The following GABRG3 variants were observed in gnomAD, a reference collection of about 807,000 sequenced individuals.
The protein encoded by GABRG3 is gamma-aminobutyric acid receptor subunit gamma-3.
GABRG3 carries 25 observed loss-of-function variants against 48.8 expected under a neutral mutation model. The observed-to-expected ratio is 0.51, with a 90% CI of 0.37 to 0.72. The LOEUF is 0.72. Ranked by LOEUF, GABRG3 falls within the 30% of genes least tolerant of loss-of-function variation. The probability of loss-of-function intolerance (pLI) is 0.00; values close to 1 mark genes in which losing one functional copy is unlikely to be tolerated. For synonymous variants in GABRG3, 227 were observed against 217.6 expected, an observed-to-expected ratio of 1.04 and a Z score of -0.38; for missense variants, 394 against 577.9, an observed-to-expected ratio of 0.68 and a Z score of 3.26.
At chr15:27,198,377 C>CA (rs1176598480) in intron 3 of GABRG3, among the ~76,000 whole-genome samples, 1 of 151,878 alleles carries the variant, frequency 6.6e-6, no homozygotes, top group Non-Finnish European at 1.5e-5. Flanking sequence ...TTTGTGTGGC[C>CA]AAAAAACATA....
chr15:27,271,005 C>T (rs1223504328), intron 3 of GABRG3, among the ~76,000 whole-genome samples: 5 of 152,114 alleles, frequency 3.3e-5, no homozygotes, highest in African/African-American at 9.7e-5. Flanking sequence ...GGAAATTCAA[C>T]GGATGAATTC....
intron 3 of GABRG3, among the ~76,000 whole-genome samples, chr15:27,151,673 T>A (rs1017684807): frequency 2.0e-5 from 3 of 152,042 alleles, no homozygotes; most frequent in African/African-American, 7.2e-5. Flanking sequence ...AAAATAAATG[T>A]GAAAAGGAAA....
At chr15:27,069,521 A>G (rs909910041) in intron 3 of GABRG3, among the ~76,000 whole-genome samples, 3 of 152,358 alleles carry the variant, frequency 2.0e-5, no homozygotes, top group South Asian at 2.1e-4. Context: ...CTGTGCATAC[A>G]CATCCATCTC....
chr15:27,363,000 A>G (rs1304835701), intron 5 of GABRG3: 6 of 152,250 alleles, frequency 3.9e-5, no homozygotes, highest in Admixed American at 3.9e-4. Flanking sequence ...TATAAATTAT[A>G]GAAATGTTTG....
At chr15:27,458,848 G>A (rs189026272) in intron 5 of GABRG3, among the ~76,000 whole-genome samples, 8 of 152,302 alleles carry the variant, frequency 5.3e-5, no homozygotes, top group South Asian at 2.1e-4. Context: ...AGATGAGCTC[G>A]GGCTCCTGTG....
At chr15:27,156,298 CAAAAAAAAAAAA>C (rs34055206) in intron 3 of GABRG3, among the ~76,000 whole-genome samples, 1 of 78,124 alleles carries the variant, frequency 1.3e-5, no homozygotes, top group Non-Finnish European at 2.4e-5. Flanking sequence ...CACTCTGTCT[CAAAAAAAAAAAA>C]AAAAAAAAAA....
At position 26,977,137 on chromosome 15, in the gene GABRG3, G is replaced by A; in HGVS notation, c.189G>A (p.Arg63=). The change falls in exon 2 of 10, where the codon AGG becomes AGA. Residue 63 remains arginine (R), a synonymous_variant. Transcript: ENST00000615808. The stretch of plus-strand genomic sequence containing the variant: ...TAAGAGAATATGATAAAAAGCTGAG[G>A]CCAGATATTGGAAGTGAGTGTTGTT... ...KLLREYDKKL[R]PDIGIKPTVI... 6.2e-7 allele frequency: 1 copy of A among 1,612,510 alleles called. No homozygotes were observed. The highest frequency in any genetic ancestry group is 8.5e-7 in the Non-Finnish European group (1 of 1,179,130).
chr15:27,420,120 T>C (rs962048245), intron 5 of GABRG3, among the ~76,000 whole-genome samples: 2 of 152,192 alleles, frequency 1.3e-5, no homozygotes, highest in Admixed American at 1.3e-4. Context: ...CTGTAGAGGG[T>C]AGACCCTGCC....
intron 3 of GABRG3, among the ~76,000 whole-genome samples, chr15:27,298,483 G>A (rs1397029004): frequency 6.6e-6 from 1 of 152,008 alleles, no homozygotes; most frequent in East Asian, 1.9e-4. Context: ...AGCAGGTAGG[G>A]GAATAGTCAA....
chr15:27,292,551 A>G (rs1891830922), intron 3 of GABRG3, among the ~76,000 whole-genome samples: 2 of 152,232 alleles, frequency 1.3e-5, no homozygotes, highest in African/African-American at 4.8e-5. Flanking sequence ...TTATGTACAT[A>G]TATGTAATCA....
intron 3 of GABRG3, among the ~76,000 whole-genome samples, chr15:27,084,130 T>A (rs1028007158): frequency 6.6e-6 from 1 of 152,178 alleles, no homozygotes; most frequent in Non-Finnish European, 1.5e-5. Context: ...ACCACTTTGC[T>A]CACGCTCCAT....
chr15:27,019,661 T>C (rs1371150631), intron 2 of GABRG3, among the ~76,000 whole-genome samples: 1 of 152,160 alleles, frequency 6.6e-6, no homozygotes, highest in Non-Finnish European at 1.5e-5. Flanking sequence ...GGGGATCCTC[T>C]GCCTAATACA....
chr15:27,492,784 A>C (rs1890386492), intron 6 of GABRG3, among the ~76,000 whole-genome samples: 1 of 152,248 alleles, frequency 6.6e-6, no homozygotes, highest in Non-Finnish European at 1.5e-5. Context: ...GGCTGGCCTT[A>C]GGCCCTGCAT....
At chr15:27,413,286 A>T (rs1887851443) in intron 5 of GABRG3, among the ~76,000 whole-genome samples, 2 of 152,192 alleles carry the variant, frequency 1.3e-5, no homozygotes, top group Admixed American at 6.5e-5. Context: ...TTATTTTAAG[A>T]CTACACATCT....
intron 3 of GABRG3, among the ~76,000 whole-genome samples, chr15:27,216,075 A>T (rs1485021470): frequency 6.6e-6 from 1 of 152,148 alleles, no homozygotes; most frequent in Non-Finnish European, 1.5e-5. Flanking sequence ...TCTCTGCCTC[A>T]CTGATGTTCT....
At chr15:27,311,946 G>T (rs775661107) in intron 3 of GABRG3, among the ~76,000 whole-genome samples, 2 of 151,946 alleles carry the variant, frequency 1.3e-5, no homozygotes, top group Admixed American at 1.3e-4. Flanking sequence ...TGAAGAAACG[G>T]TAATATTTCC....
intron 6 of GABRG3, among the ~76,000 whole-genome samples, chr15:27,499,175 G>C (rs541364046): frequency 6.6e-6 from 1 of 152,260 alleles, no homozygotes; most frequent in Non-Finnish European, 1.5e-5. Context: ...AGAATGTTCA[G>C]GATTTAATTT....
chr15:27,388,539 T>C (rs1441681926), intron 5 of GABRG3, among the ~76,000 whole-genome samples: 3 of 152,236 alleles, frequency 2.0e-5, no homozygotes, highest in South Asian at 2.1e-4. Flanking sequence ...TCAGTACCAT[T>C]GATAGCATTC....
intron 6 of GABRG3, among the ~76,000 whole-genome samples, chr15:27,482,657 G>A (rs929128209): frequency 2.7e-5 from 4 of 148,620 alleles, no homozygotes; most frequent in Non-Finnish European, 6.0e-5. Context: ...CAAGAATAAA[G>A]CATTTGCAAC....
Sources: gnomAD v4.1 joint callset for allele counts (sites outside exome capture counted in the v4.1 genomes callset) on GRCh38, gnomAD v4.1.1 for gene constraint, MANE v1.5 for transcripts, NCBI Gene and HGNC (gene_info 2026-07-23, HGNC 2026-07-21) for gene names.